The following PLD1 variants were observed in gnomAD, a reference collection of about 807,000 sequenced individuals.
PLD1 encodes the protein choline phosphatase 1.
Under a neutral mutation model 137.1 loss-of-function variants are expected in PLD1, and 112 were observed. The ratio of observed to expected loss-of-function variants is 0.82; its 90% CI spans 0.70 to 0.96. The LOEUF (loss-of-function observed/expected upper bound fraction) is 0.96, where lower values mean the gene tolerates loss of function less well. PLD1 is among the 40% of genes least tolerant of loss of function. The pLI is 0.00. For missense variants in PLD1, 1,321 were observed against 1,342.0 expected (o/e 0.98, Z 0.24); for synonymous variants, 431 against 454.7 (o/e 0.95, Z 0.66).
chr3:171,626,321 A>C (rs189140137), intron 23 of PLD1, among the ~76,000 whole-genome samples: 1 of 152,268 alleles, frequency 6.6e-6, no homozygotes, highest in Admixed American at 6.5e-5. Flanking sequence ...AAAAAGAAAC[A>C]AACAAAGCCT....
chr3:171,784,635 G>T (rs1722921623), intron 1 of PLD1, among the ~76,000 whole-genome samples: 2 of 151,928 alleles, frequency 1.3e-5, no homozygotes, highest in Admixed American at 1.3e-4. Context: ...CCCTCCCCTG[G>T]ATCACCACCA....
intron 1 of PLD1, among the ~76,000 whole-genome samples, chr3:171,779,985 C>T (rs1722733238): frequency 6.7e-6 from 1 of 149,954 alleles, no homozygotes; most frequent in Non-Finnish European, 1.5e-5. Flanking sequence ...AGATTCAGGC[C>T]TGGGGTTAGG....
Position 171,677,570 on chromosome 3 carries a change from A to C in PLD1, c.1992T>G (p.Phe664Leu). 6.2e-7 allele frequency: 1 copy of C among 1,613,524 alleles called. No homozygotes were observed. The highest frequency in any genetic ancestry group is 8.5e-7 in the Non-Finnish European group (1 of 1,179,636). The change falls in exon 17 of 27, where the codon TTT becomes TTG. Residue 664 changes from phenylalanine (F) to leucine (L), a missense_variant. Transcript: ENST00000351298. ...CCCCACCATTATGATACTCACCAGC[A>C]AAAGGTTTATCAAGTTGAACCCAGT... ...FKDWVQLDKP[F>L]ADFIDRYSTP... is the part of the protein sequence containing the mutation.
intron 16 of PLD1, among the ~76,000 whole-genome samples, chr3:171,684,274 T>G (rs984603130): frequency 6.6e-6 from 1 of 152,256 alleles, no homozygotes; most frequent in Non-Finnish European, 1.5e-5. Context: ...ATAATCTTCA[T>G]GGGTTGGCAA....
chr3:171,693,538 C>T (rs56188235), intron 12 of PLD1, among the ~76,000 whole-genome samples: 6 of 152,068 alleles, frequency 3.9e-5, no homozygotes, highest in African/African-American at 1.2e-4. Context: ...GCTTATTCAC[C>T]CCCACCTTGT....
chr3:171,759,306 A>G (rs774005602), intron 1 of PLD1, among the ~76,000 whole-genome samples: 1 of 152,160 alleles, frequency 6.6e-6, no homozygotes, highest in Non-Finnish European at 1.5e-5. Context: ...TCCACCTATA[A>G]AAGTCATGCA....
intron 18 of PLD1, among the ~76,000 whole-genome samples, chr3:171,676,383 T>A (rs1374291575): frequency 6.6e-6 from 1 of 152,066 alleles, no homozygotes; most frequent in Admixed American, 6.5e-5. Context: ...CCTATCCCCC[T>A]ATAACAGCCC....
intron 21 of PLD1, among the ~76,000 whole-genome samples, chr3:171,651,758 C>T (rs950150118): frequency 6.6e-6 from 1 of 152,088 alleles, no homozygotes; most frequent in Non-Finnish European, 1.5e-5. Flanking sequence ...CCCTGAGTGG[C>T]CCCCAAATGA....
At chr3:171,692,189 G>T in intron 13 of PLD1, 143 bp downstream of exon 13, 1 of 539,250 alleles carries the variant, frequency 1.9e-6, no homozygotes, top group South Asian at 2.6e-5. Flanking sequence ...ACAGTATTTT[G>T]CTTTATTTCT....
chr3:171,781,056 C>T (rs1722778050), intron 1 of PLD1, among the ~76,000 whole-genome samples: 2 of 152,142 alleles, frequency 1.3e-5, no homozygotes, highest in South Asian at 4.1e-4. Context: ...CACTACCTGA[C>T]TTCAAGACAT....
chr3:171,608,033 T>C (rs990622602), intron 25 of PLD1, among the ~76,000 whole-genome samples: 4 of 152,200 alleles, frequency 2.6e-5, no homozygotes, highest in African/African-American at 4.8e-5. Flanking sequence ...GAGGCTAAAA[T>C]TGACGCAATG....
chr3:171,711,064 G>A (rs756236811), intron 9 of PLD1, among the ~76,000 whole-genome samples: 19 of 150,870 alleles, frequency 1.3e-4, no homozygotes, highest in Non-Finnish European at 2.2e-4. Flanking sequence ...GTAGAGACGG[G>A]GTTTCTCCAT....
At chr3:171,809,907 C>A (rs1724043315) in intron 1 of PLD1, 1 of 152,308 alleles carries the variant, frequency 6.6e-6, no homozygotes, top group African/African-American at 2.4e-5. Flanking sequence ...ACCCCCAGGA[C>A]CGTGCTCTGC....
At chr3:171,783,906 C>A (rs1300543922) in intron 1 of PLD1, among the ~76,000 whole-genome samples, 2 of 152,088 alleles carry the variant, frequency 1.3e-5, no homozygotes, top group Non-Finnish European at 2.9e-5. Context: ...CTTAGGCTAC[C>A]AAAGTGCTGG....
At chr3:171,637,379 G>T (rs560299898) in intron 23 of PLD1, among the ~76,000 whole-genome samples, 1 of 151,590 alleles carries the variant, frequency 6.6e-6, no homozygotes, top group Non-Finnish European at 1.5e-5. Flanking sequence ...GGGACTACAG[G>T]TGCATGCCAC....
intron 23 of PLD1, 31 bp downstream of exon 23, chr3:171,642,809 C>T (rs765587121): frequency 3.0e-6 from 4 of 1,335,504 alleles, no homozygotes; most frequent in Non-Finnish European, 3.2e-6. Flanking sequence ...TAATAAAAAA[C>T]AATGATATGA....
chr3:171,762,358 A>G (rs1721458651), intron 1 of PLD1, among the ~76,000 whole-genome samples: 1 of 152,236 alleles, frequency 6.6e-6, no homozygotes, highest in South Asian at 2.1e-4. Context: ...AATCAGATAT[A>G]GTTAAATATC....
intron 1 of PLD1, among the ~76,000 whole-genome samples, chr3:171,790,488 A>G (rs535147104): frequency 1.3e-3 from 194 of 152,280 alleles, no homozygotes; most frequent in African/African-American, 4.5e-3. Context: ...CTCTCTCCCA[A>G]TCTCTTGCAA....
chr3:171,641,262 T>C (rs1187267084), intron 23 of PLD1, among the ~76,000 whole-genome samples: 2 of 152,216 alleles, frequency 1.3e-5, no homozygotes, highest in Admixed American at 6.5e-5. Flanking sequence ...TTTTTCTTGA[T>C]TAAACACTCC....
Sources: gnomAD v4.1 joint callset for allele counts (sites outside exome capture counted in the v4.1 genomes callset) on GRCh38, gnomAD v4.1.1 for gene constraint, MANE v1.5 for transcripts, NCBI Gene and HGNC (gene_info 2026-07-23, HGNC 2026-07-21) for gene names.